The following MED24 variants were observed in gnomAD, a reference collection of about 807,000 sequenced individuals.
MED24 encodes mediator of RNA polymerase II transcription subunit 24.
MED24 carries 74 observed loss-of-function variants against 118.8 expected under a neutral mutation model. The observed-to-expected ratio is 0.62, with a 90% CI of 0.52 to 0.76. The LOEUF is 0.76. MED24 is among the 30% of genes least tolerant of loss of function. The probability of loss-of-function intolerance (pLI) is 0.00; values close to 1 mark genes in which losing one functional copy is unlikely to be tolerated. For missense variants in MED24, 1,041 were observed against 1,278.9 expected, an observed-to-expected ratio of 0.81 and a Z score of 2.84; for synonymous variants, 521 against 523.9, an observed-to-expected ratio of 0.99 and a Z score of 0.08.
At position 40,019,175 on chromosome 17, in the gene MED24, A is replaced by AACACACACACACACACACAC. The variant is rs59767650; in HGVS notation, c.*334_*353dup. ...CCTCACATATTACAAAATACACACA[A>AACACACACACACACACACAC]ACACACACACACACACACACACACA... On this transcript the variant is annotated 3_prime_UTR_variant, in exon 26 of 26. Coordinates refer to ENST00000394128, the MANE Select transcript of MED24 (RefSeq NM_014815.4). The AACACACACACACACACACAC allele has an allele frequency of 6.8e-6, 1 of 146,364 alleles. No homozygotes were observed. Among genetic ancestry groups the AACACACACACACACACACAC allele is most frequent in the Admixed American group, 7.6e-5 (1 of 13,206 alleles). The allele number at this position is 146,364 out of a possible 1,614,324, so 9.1% of individuals were successfully genotyped here.
rs61290957 is a variant in MED24, at chr17:40,019,673, C to T, written c.2854-28G>A. 4,855 of 1,580,424 alleles carry T rather than the reference C, an allele frequency of 3.1e-3. 155 individuals carry two copies. In the African/African-American group the frequency reaches 0.057, roughly 19 times the overall value. ...GCCACGGACAGACAGATGCTGCTTG[C>T]GGGACGGCTGGTGGTGGGTGTGCTG... On this transcript the variant is annotated intron_variant, in intron 25 of 25. Coordinates refer to ENST00000394128, the MANE Select transcript of MED24 (RefSeq NM_014815.4).
chr17:40,045,652 G>T (rs1022823820), intron 3 of MED24, among the ~76,000 whole-genome samples: 3 of 151,894 alleles, frequency 2.0e-5, no homozygotes, highest in Non-Finnish European at 4.4e-5. Context: ...GGGTGTTTTG[G>T]TGCGCACCTG....
At chr17:40,025,337 GT>G (rs539789312) in intron 19 of MED24, among the ~76,000 whole-genome samples, 306 of 152,258 alleles carry the variant, frequency 2.0e-3, no homozygotes, top group Admixed American at 3.5e-3. Context: ...TTAGCCGGCT[GT>G]GGGCCTGCAG....
intron 3 of MED24, among the ~76,000 whole-genome samples, chr17:40,045,669 A>C (rs1202290128): frequency 2.0e-5 from 3 of 151,848 alleles, no homozygotes; most frequent in Non-Finnish European, 2.9e-5. Context: ...CCTGTAGTCC[A>C]AGCTACAGGT....
chr17:40,031,476 A>C, intron 11 of MED24, 62 bp downstream of exon 11: 1 of 1,491,210 alleles, frequency 6.7e-7, no homozygotes, highest in Non-Finnish European at 9.3e-7. Flanking sequence ...TCTGGCACAG[A>C]GATCAGGGGA....
At chr17:40,034,944 C>A in intron 6 of MED24, 173 bp downstream of exon 6, 1 of 1,571,072 alleles carries the variant, frequency 6.4e-7, no homozygotes, top group Non-Finnish European at 8.6e-7. Flanking sequence ...GGGTGCCACC[C>A]TGCCCAAGTC....
At position 40,033,161 on chromosome 17, in the gene MED24, G is replaced by A. The variant is rs112406650; in HGVS notation, c.717C>T (p.Thr239=). The A allele has an allele frequency of 4.6e-5, 74 of 1,614,106 alleles. No individual in the cohort carries two copies. Among genetic ancestry groups the A allele is most frequent in the African/African-American group, 2.5e-4 (19 of 75,046 alleles). Residue 239 remains threonine (T), a synonymous_variant, in exon 8 of 26, where the codon ACC becomes ACT. Coordinates refer to ENST00000394128, the MANE Select transcript of MED24 (RefSeq NM_014815.4). This position sits in a 1 kb window ranked among gnomAD's most constrained non-coding sequence, Gnocchi z 5.2. ...TCACGGCGTGGACAGTGGGGAAGCC[G>A]GTCTTGTGCATCTGCTCCGCATGCA... The part of the protein sequence containing the change: ...LSVHAEQMHK[T]GFPTVHAVIL...
chr17:40,042,340 T>C (rs1955165517), intron 3 of MED24, among the ~76,000 whole-genome samples: 1 of 152,148 alleles, frequency 6.6e-6, no homozygotes, highest in South Asian at 2.1e-4. Context: ...CACCAAGGTA[T>C]CAAAACATAC....
chr17:40,031,031 C>T (rs1159136292), intron 12 of MED24, 128 bp downstream of exon 12: 4 of 845,742 alleles, frequency 4.7e-6, no homozygotes, highest in South Asian at 1.5e-5. Flanking sequence ...TCCCTGTACC[C>T]CCAGGCACGG....
intron 15 of MED24, 98 bp from the exon 16 acceptor site, chr17:40,027,563 G>C (rs957387997): frequency 3.4e-5 from 39 of 1,153,032 alleles, no homozygotes; most frequent in Middle Eastern, 3.9e-4. Flanking sequence ...GAAGGTCAGG[G>C]ACCAAGTGGC....
Position 40,026,021 on chromosome 17 carries a change from C to T in MED24, c.1985+135G>A, listed in dbSNP as rs1379931466. 9 of 866,420 alleles carry T rather than the reference C, an allele frequency of 1.0e-5. No homozygotes were observed. In the Admixed American group the frequency reaches 1.5e-4, roughly 15 times the overall value. The allele number at this position is 866,420 out of a possible 1,614,324, so 53.7% of individuals were successfully genotyped here. A position where few individuals can be genotyped will look rare whatever the true frequency, so the allele number is the denominator to read the frequency against. ...GTTTGCTGAGTCAGATGAGTGAATG[C>T]ATGAATAGGAAAGTGAGTGAGTGAT... On this transcript the variant is annotated intron_variant, in intron 19 of 25. Transcript: ENST00000394128.
intron 9 of MED24, 187 bp from the exon 10 acceptor site, chr17:40,032,277 C>A: frequency 1.5e-6 from 1 of 653,772 alleles, no homozygotes; most frequent in Non-Finnish European, 2.6e-6. Context: ...TGCCCCCAGG[C>A]CTAGGCACAG....
At chr17:40,053,253 C>T (rs774475139) in intron 3 of MED24, 45 bp downstream of exon 3, 29 of 1,531,094 alleles carry the variant, frequency 1.9e-5, no homozygotes, top group Non-Finnish European at 2.5e-5. Flanking sequence ...AAGTTTTTTA[C>T]CCCCAGAACT....
At chr17:40,053,438 TC>T in intron 2 of MED24, 30 bp downstream of exon 2, 1 of 1,613,862 alleles carries the variant, frequency 6.2e-7, no homozygotes, top group Non-Finnish European at 8.5e-7. Context: ...GGTTTATCCC[TC>T]CCATCTTTCT....
Position 40,024,563 on chromosome 17 carries a change from GAC to G in MED24, c.1986-1170_1986-1169del, listed in dbSNP as rs1238961862. Among the ~76,000 whole-genome samples the G allele has an allele frequency of 5.3e-5, 8 of 152,042 alleles. No individual in the cohort carries two copies. The East Asian group carries it at 1.6e-3, about 30-fold the overall frequency. ...ATAAGTACATAAATAAATAAATAAA[GAC>G]ATCCTCAACGTTGCCATAAAGACAT... On this transcript the variant is annotated intron_variant, in intron 19 of 25. Transcript: ENST00000394128.
intron 10 of MED24, 99 bp from the exon 11 acceptor site, chr17:40,031,719 G>A: frequency 1.7e-6 from 2 of 1,153,792 alleles, no homozygotes; most frequent in Non-Finnish European, 1.3e-6. Flanking sequence ...TGAGTTGCCT[G>A]GCTGCTTTCT....
intron 3 of MED24, among the ~76,000 whole-genome samples, chr17:40,039,842 G>A (rs150753840): frequency 0.012 from 1,844 of 149,110 alleles, 45 homozygotes; most frequent in African/African-American, 0.044. Flanking sequence ...GGAGTGCAGC[G>A]GCGAGATCTC....
rs757410154 is a variant in MED24 at position 40,022,798 on chromosome 17, T to C, written c.2279A>G (p.His760Arg). The change falls in exon 21 of 26, where the codon CAC (histidine) becomes CGC (arginine). Residue 760 changes from histidine to arginine, a missense_variant. Coordinates refer to ENST00000394128, the MANE Select transcript of MED24 (RefSeq NM_014815.4). ...GAGCAGCTCCACTGCCCGCAGCGTGTGCTCCTTCCGCGTCTCCTTCAGCAG... is the reference window on the plus strand; with the variant it reads ...GAGCAGCTCCACTGCCCGCAGCGTGCGCTCCTTCCGCGTCTCCTTCAGCAG... Reference protein sequence around the residue: ...KELLKETRKEHTLRAVELLYS... With the variant: ...KELLKETRKERTLRAVELLYS... 1.9e-6 allele frequency: 3 copies of C among 1,613,536 alleles called. No homozygotes were observed.
rs1982724798 is a variant in MED24, at chr17:40,026,870, C to T, written c.1695G>A (p.Ser565=). Residue 565 remains serine (S), a synonymous_variant, in exon 17 of 26, where the codon TCG becomes TCA. Coordinates refer to ENST00000394128, the MANE Select transcript of MED24 (RefSeq NM_014815.4). The part of the protein sequence containing the change: ...ESLVALLNNS[S]EMKLVQMKWH... ...GGGCCACTGACACTAGCTTCATCTC[C>T]GAGGAGTTGTTGAGCAGGGCCACCA... is the stretch of plus-strand genomic sequence containing the variant. The T allele has an allele frequency of 1.2e-6, 2 of 1,613,036 alleles. No homozygotes were observed. Among genetic ancestry groups the T allele is most frequent in the African/African-American group, 1.3e-5 (1 of 74,880 alleles).
Sources: allele counts gnomAD v4.1 joint callset (sites outside exome capture counted in the v4.1 genomes callset), GRCh38; gene constraint gnomAD v4.1.1; non-coding constraint Gnocchi (gnomAD v3.1); transcripts MANE v1.5; gene names NCBI Gene and HGNC (gene_info 2026-07-23, HGNC 2026-07-21).